The following HAS1 variants were observed in gnomAD, a reference collection of about 807,000 sequenced individuals.
The protein encoded by HAS1 is hyaluronan synthase 1.
In HAS1, 27 loss-of-function variants were observed where a neutral mutation model predicts 35.0. The observed-to-expected ratio is 0.77, with a 90% CI of 0.57 to 1.06. The LOEUF is 1.06. HAS1 is among the 50% of genes least tolerant of loss of function. HAS1 has a pLI of 0.00. For missense variants in HAS1, 940 were observed against 814.8 expected (o/e 1.15, Z -1.87); for synonymous variants, 409 against 371.2 (o/e 1.10, Z -1.17).
In HAS1 at chr19:51,719,795, C is replaced by A. The variant is rs201563187; in HGVS notation, c.110G>T (p.Trp37Leu). ...CAGCGGCACCCCGGCGGCGTAGGCC[C>A]AGGTCATGAGGCCCAGGATGAGCAG... is the stretch of plus-strand genomic sequence containing the variant. ...FALLILGLMTWAYAAGVPLAS... is the reference protein window; with the variant it reads ...FALLILGLMTLAYAAGVPLAS... The change falls in exon 2 of 5, where the codon TGG (tryptophan) becomes TTG (leucine). Residue 37 changes from tryptophan to leucine, a missense_variant. Coordinates refer to ENST00000540069, the MANE Select transcript of HAS1 (RefSeq NM_001297436.2). 1,472 of 1,560,456 alleles carry A rather than the reference C, an allele frequency of 9.4e-4. 1 individual carries two copies. The highest frequency in any genetic ancestry group is 1.1e-3 in the Non-Finnish European group (1,320 of 1,156,066).
intron 4 of HAS1, 135 bp from the exon 5 acceptor site, chr19:51,714,237 T>A (rs1035590257): frequency 7.2e-7 from 1 of 1,381,716 alleles, no homozygotes; most frequent in South Asian, 1.4e-5. Flanking sequence ...AGTGTTCTCA[T>A]GTGTAGAATA....
Position 51,719,212 on chromosome 19 carries a change from G to C in HAS1, c.693C>G (p.Tyr231Ter). The C allele has an allele frequency of 6.4e-7, 1 of 1,562,414 alleles. No individual in the cohort carries two copies. Among genetic ancestry groups the C allele is most frequent in the Non-Finnish European group, 8.7e-7 (1 of 1,152,712 alleles). The change falls in exon 2 of 5, where the codon TAC becomes TAG. Residue 231 changes from tyrosine to a stop codon, truncating the protein, a stop_gained. Transcript: ENST00000540069. LOFTEE classifies it high-confidence loss of function. Reference sequence around the variant, plus strand: ...TGAAGGCGCCTCTACTCACCTGCACGTAGTCCACCGAATCTCCGAGCGCCT... The same window carrying C: ...TGAAGGCGCCTCTACTCACCTGCACCTAGTCCACCGAATCTCCGAGCGCCT... ...AFKALGDSVD[Y>*]VQVCDSDTRL...
chr19:51,716,231 C>A, intron 4 of HAS1, 25 bp downstream of exon 4: 1 of 1,603,368 alleles, frequency 6.2e-7, no homozygotes, highest in South Asian at 1.1e-5. Context: ...CACACATACC[C>A]GACCACCTGG....
chr19:51,723,837 A>G (rs2083647175), intron 1 of HAS1, 88 bp downstream of exon 1: 1 of 1,247,722 alleles, frequency 8.0e-7, no homozygotes, highest in African/African-American at 1.5e-5. Flanking sequence ...CAGTTCCCCA[A>G]CACACGTGGT....
chr19:51,718,423 GATAA>G, intron 2 of HAS1, among the ~76,000 whole-genome samples: 1 of 152,256 alleles, frequency 6.6e-6, no homozygotes, highest in South Asian at 2.1e-4. Flanking sequence ...ACATTTAATA[GATAA>G]ATGAATGAAT....
At chr19:51,715,164 G>A (rs2083578554) in intron 4 of HAS1, among the ~76,000 whole-genome samples, 1 of 152,136 alleles carries the variant, frequency 6.6e-6, no homozygotes, top group Non-Finnish European at 1.5e-5. Context: ...TGGCCTCCCT[G>A]CTTCCGACCT....
chr19:51,716,870 T>A, intron 3 of HAS1, 98 bp downstream of exon 3: 2 of 851,940 alleles, frequency 2.3e-6, no homozygotes, highest in South Asian at 2.7e-5. Context: ...CCCTGCTGCA[T>A]CTTTGTTCCC....
intron 4 of HAS1, among the ~76,000 whole-genome samples, chr19:51,714,392 A>AAATAAATAAAT (rs958487700): frequency 1.3e-5 from 2 of 150,982 alleles, no homozygotes; most frequent in African/African-American, 4.9e-5. Flanking sequence ...ATAAATAAAT[A>AAATAAATAAAT]AATAAGCACC....
chr19:51,719,647 CCCCCGCGCCGCCGCCGCCACCCGCCGG>C lies in HAS1; in HGVS notation c.231_257del (p.His77_Gly86delinsGln). 6.5e-7 allele frequency: 1 copy of C among 1,538,994 alleles called. No individual in the cohort carries two copies. Among genetic ancestry groups the C allele is most frequent in the East Asian group, 2.5e-5 (1 of 40,350 alleles). ...TGCGCGCGGTGGCTGCATCCAGCGGCCCCCGCGCCGCCGCCGCCACCCGCCGGTGCTCCAGGTACGCGAAGAGGCTCT... is the reference window on the plus strand; with the variant it reads ...TGCGCGCGGTGGCTGCATCCAGCGGCTGCTCCAGGTACGCGAAGAGGCTCT... On this transcript the variant is annotated inframe_deletion, in exon 2 of 5. Coordinates refer to ENST00000540069, the MANE Select transcript of HAS1 (RefSeq NM_001297436.2).
At chr19:51,717,657 C>A (rs1194192860) in intron 2 of HAS1, among the ~76,000 whole-genome samples, 2 of 152,156 alleles carry the variant, frequency 1.3e-5, no homozygotes, top group Non-Finnish European at 2.9e-5. Flanking sequence ...TCCTTGCTGG[C>A]CTTGAAGAGG....
chr19:51,722,313 G>T lies in HAS1; in HGVS notation c.9+1612C>A, dbSNP rs1400148909. On this transcript the variant is annotated intron_variant, in intron 1 of 4. Transcript: ENST00000540069. ...ATTTTAAATATGTCTGGAACAAGTT[G>T]CATCTACGATGCCCCTTTTATAATT... Among the ~76,000 whole-genome samples, 3 of 152,202 alleles carry T rather than the reference G, an allele frequency of 2.0e-5. No homozygotes were observed. The East Asian group carries it at 5.8e-4, about 29-fold the overall frequency.
chr19:51,720,076 G>GTCTCTC (rs137889042), intron 1 of HAS1, 181 bp from the exon 2 acceptor site: 3 of 518,120 alleles, frequency 5.8e-6, no homozygotes, highest in East Asian at 7.0e-5. Context: ...CTGTCTCGCT[G>GTCTCTC]TCTCTCTCTC....
chr19:51,719,035 GGATA>G (rs1261266134), intron 2 of HAS1, among the ~76,000 whole-genome samples, 167 bp downstream of exon 2: 3 of 152,218 alleles, frequency 2.0e-5, no homozygotes, highest in Admixed American at 1.3e-4. Context: ...TTGGATAAAG[GGATA>G]GATGGATGGA....
rs769387541 is a variant in HAS1 at position 51,719,276 on chromosome 19, C to T, written c.629G>A (p.Arg210His). ...RTRRCVCVAQ[R>H]WGGKREVMYT... Reference sequence around the variant, plus strand: ...CATGACCTCGCGCTTGCCGCCCCAGCGCTGCGCCACGCACACGCACCTGCG... The same window carrying T: ...CATGACCTCGCGCTTGCCGCCCCAGTGCTGCGCCACGCACACGCACCTGCG... The change falls in exon 2 of 5, where the codon CGC becomes CAC. Residue 210 changes from arginine to histidine, a missense_variant. Transcript: ENST00000540069. 1.2e-6 allele frequency: 2 copies of T among 1,611,144 alleles called. No homozygotes were observed. Among genetic ancestry groups the T allele is most frequent in the South Asian group, 2.2e-5 (2 of 90,588 alleles).
intron 4 of HAS1, among the ~76,000 whole-genome samples, chr19:51,715,213 G>A (rs538318217): frequency 1.0e-3 from 153 of 152,218 alleles, no homozygotes; most frequent in African/African-American, 3.6e-3. Context: ...CTGCCAGAGG[G>A]ATCCCATTAC....
intron 1 of HAS1, among the ~76,000 whole-genome samples, chr19:51,720,459 A>C (rs976652393): frequency 6.6e-6 from 1 of 152,072 alleles, no homozygotes; most frequent in South Asian, 2.1e-4. Flanking sequence ...GCAAATAGCT[A>C]TCTAGGCTTC....
At chr19:51,722,180 C>T (rs549699990) in intron 1 of HAS1, among the ~76,000 whole-genome samples, 4 of 152,244 alleles carry the variant, frequency 2.6e-5, no homozygotes, top group Non-Finnish European at 2.9e-5. Flanking sequence ...ATGTGTCTAC[C>T]GAGTACTTGA....
chr19:51,723,832 C>T (rs1053115411), intron 1 of HAS1, 93 bp downstream of exon 1: 44 of 1,201,204 alleles, frequency 3.7e-5, no homozygotes, highest in Non-Finnish European at 5.0e-5. Context: ...ACACACAGTT[C>T]CCCAACACAC....
chr19:51,719,894 T>C lies in HAS1; in HGVS notation c.11A>G (p.Asp4Gly), dbSNP rs1431789224. Residue 4 changes from aspartate to glycine, a missense_variant and splice_region_variant, in exon 2 of 5, where the codon GAC (aspartate) becomes GGC (glycine). Transcript: ENST00000540069. MRQ[D>G]APKPTPAACR... ...GGCTGCAGGAGTGGGCTTGGGCGCG[T>C]CCTGCTGGGAGCGAGAGGGGAAAGG... 6.5e-7 allele frequency: 1 copy of C among 1,531,072 alleles called. No individual in the cohort carries two copies. Among genetic ancestry groups the C allele is most frequent in the Non-Finnish European group, 8.7e-7 (1 of 1,143,994 alleles). 94.8% of individuals were successfully genotyped at this position (1,531,072 alleles called of 1,614,324 possible).
Sources: allele counts gnomAD v4.1 joint callset (sites outside exome capture counted in the v4.1 genomes callset), GRCh38; gene constraint gnomAD v4.1.1; transcripts MANE v1.5; gene names NCBI Gene and HGNC (gene_info 2026-07-23, HGNC 2026-07-21).